Variants in PTGFRN observed in about 807,000 individuals in gnomAD.
PTGFRN encodes the protein prostaglandin F2 receptor negative regulator.
A neutral mutation model predicts 83.2 loss-of-function variants in PTGFRN; 35 were observed. That is an observed-to-expected ratio of 0.42 (90% CI 0.32 to 0.56). The LOEUF (loss-of-function observed/expected upper bound fraction) is 0.56. PTGFRN is among the 20% of genes least tolerant of loss of function. PTGFRN has a pLI of 0.11. For missense variants in PTGFRN, 1,051 were observed against 1,179.5 expected (o/e 0.89, Z 1.60); for synonymous variants, 519 against 498.6 (o/e 1.04, Z -0.55).
chr1:116,974,122 G>A (rs548043002), intron 6 of PTGFRN, 94 bp from the exon 7 acceptor site: 1 of 953,294 alleles, frequency 1.0e-6, no homozygotes, highest in Admixed American at 2.1e-5. Flanking sequence ...TCCCAGGGAA[G>A]AGAACCACAT....
intron 5 of PTGFRN, among the ~76,000 whole-genome samples, chr1:116,965,652 A>G (rs2101079257): frequency 6.6e-6 from 1 of 152,282 alleles, no homozygotes; most frequent in East Asian, 1.9e-4. Context: ...CGGTTGTGGC[A>G]CACACACCTT....
At chr1:116,932,420 T>G (rs1649822786) in intron 1 of PTGFRN, among the ~76,000 whole-genome samples, 3 of 152,200 alleles carry the variant, frequency 2.0e-5, no homozygotes, top group Admixed American at 2.0e-4. Context: ...GGGAAACAAT[T>G]AACTCTTGGT....
intron 1 of PTGFRN, among the ~76,000 whole-genome samples, chr1:116,927,990 A>T (rs2806865): frequency 0.053 from 8,089 of 152,254 alleles, 663 homozygotes; most frequent in African/African-American, 0.18. Flanking sequence ...TATAAATGGC[A>T]GGATAGATAA....
chr1:116,932,151 A>G (rs1007135938), intron 1 of PTGFRN, among the ~76,000 whole-genome samples: 1 of 152,270 alleles, frequency 6.6e-6, no homozygotes, highest in African/African-American at 2.4e-5. Flanking sequence ...TAACCTGAGA[A>G]ATAAAATCCA....
At position 116,923,096 on chromosome 1, in the gene PTGFRN, A is replaced by G. The variant is rs541215450; in HGVS notation, c.49+12844A>G. Among the ~76,000 whole-genome samples the G allele has an allele frequency of 1.3e-5, 2 of 152,336 alleles. No individual in the cohort carries two copies. Among genetic ancestry groups the G allele is most frequent in the East Asian group, 3.9e-4 (2 of 5,190 alleles). The stretch of plus-strand genomic sequence containing the variant: ...ATCGGTTTGTGATGATCTGTTTATT[A>G]GGATGAGCATTTGTGTGTCTCACCC... On this transcript the variant is annotated intron_variant, in intron 1 of 8. Transcript: ENST00000393203. This position sits in a 1 kb window ranked among gnomAD's most constrained non-coding sequence, Gnocchi z 4.0.
intron 4 of PTGFRN, among the ~76,000 whole-genome samples, chr1:116,960,358 A>G (rs1650617029): frequency 6.6e-6 from 1 of 152,192 alleles, no homozygotes. Flanking sequence ...CTTGGCAGGT[A>G]TGGAGGAAGC....
chr1:116,954,101 G>T (rs866408350), intron 4 of PTGFRN, among the ~76,000 whole-genome samples: 1 of 151,912 alleles, frequency 6.6e-6, no homozygotes, highest in South Asian at 2.1e-4. Flanking sequence ...CAGGTGATCC[G>T]CCCGTCTCGG....
chr1:116,968,353 T>C (rs1406670468), intron 6 of PTGFRN, among the ~76,000 whole-genome samples: 3 of 152,104 alleles, frequency 2.0e-5, no homozygotes, highest in East Asian at 1.9e-4. Flanking sequence ...TAGACTCTAA[T>C]AAAGTTTTTC....
At chr1:116,917,135 G>A (rs1424086112) in intron 1 of PTGFRN, among the ~76,000 whole-genome samples, 3 of 152,174 alleles carry the variant, frequency 2.0e-5, no homozygotes, top group Non-Finnish European at 4.4e-5. Context: ...CTTGGATATG[G>A]GCACTGTGAA....
chr1:116,974,277 C>A lies in PTGFRN; in HGVS notation c.2121C>A (p.Ile707=). 1.9e-6 allele frequency: 3 copies of A among 1,613,566 alleles called. No individual in the cohort carries two copies. The highest frequency in any genetic ancestry group is 3.3e-5 in the Admixed American group (2 of 60,020). The change falls in exon 7 of 9, where the codon ATC becomes ATA. Residue 707 remains isoleucine (I), a synonymous_variant. Coordinates refer to ENST00000393203, the MANE Select transcript of PTGFRN (RefSeq NM_020440.4). The part of the protein sequence containing the change: ...DTPSVIRGDL[I]KLFCIITVEG... ...CATCAGTAATTCGGGGAGATCTGAT[C>A]AAATTGTTCTGTATCATCACTGTCG... is the stretch of plus-strand genomic sequence containing the variant.
chr1:116,969,324 G>A (rs1650929485), intron 6 of PTGFRN, among the ~76,000 whole-genome samples: 1 of 152,124 alleles, frequency 6.6e-6, no homozygotes, highest in African/African-American at 2.4e-5. Context: ...CATGGAGATA[G>A]CCAGTTGTCC....
At position 116,986,600 on chromosome 1, in the gene PTGFRN, T is replaced by A. The variant is rs377368714; in HGVS notation, c.2474-201T>A. Among the ~76,000 whole-genome samples the A allele has an allele frequency of 1.4e-3, 217 of 152,338 alleles. 10 individuals carry two copies. The South Asian group carries it at 0.043, about 31-fold the overall frequency. On this transcript the variant is annotated intron_variant, in intron 8 of 8. Coordinates refer to ENST00000393203, the MANE Select transcript of PTGFRN (RefSeq NM_020440.4). ...TTTTTATTCTCCCCGCAGAGCTGGG[T>A]AGGAAGACATTTGCTCATTTTTGTG...
intron 1 of PTGFRN, 89 bp downstream of exon 1, chr1:116,910,341 G>A: frequency 8.6e-7 from 1 of 1,160,786 alleles, no homozygotes; most frequent in Non-Finnish European, 1.1e-6. Context: ...CGCGGCCTGG[G>A]GCGCCGAGGG....
intron 7 of PTGFRN, among the ~76,000 whole-genome samples, chr1:116,983,791 T>G (rs1458593339): frequency 3.3e-5 from 5 of 152,230 alleles, no homozygotes; most frequent in Admixed American, 3.3e-4. Flanking sequence ...AAACGCTTTC[T>G]CAAGTGGATT....
At chr1:116,933,662 A>G (rs1404747866) in intron 1 of PTGFRN, among the ~76,000 whole-genome samples, 1 of 152,096 alleles carries the variant, frequency 6.6e-6, no homozygotes, top group African/African-American at 2.4e-5. Flanking sequence ...GGTTGAAAGC[A>G]TGTTTATGTT....
Position 116,967,306 on chromosome 1 carries a change from A to G in PTGFRN, c.2035A>G (p.Ile679Val), listed in dbSNP as rs893372177. 2 of 1,611,930 alleles carry G rather than the reference A, an allele frequency of 1.2e-6. No homozygotes were observed. The highest frequency in any genetic ancestry group is 1.3e-5 in the African/African-American group (1 of 74,906). Residue 679 changes from isoleucine (I) to valine (V), a missense_variant, in exon 6 of 9, where the codon ATT (isoleucine) becomes GTT (valine). Ile to Val is a conservative substitution (Grantham distance 29). This residue lies in a region of PTGFRN where 719 missense variants were observed against 836.6 expected (regional missense o/e 0.86). Transcript: ENST00000393203. ...AGCAGCAACCAGTCTCTCCAATCCT[A>G]TTGAGATAGACTTCCAAACCTCAGG... The part of the protein sequence containing the change: ...REAATSLSNP[I>V]EIDFQTSGPI...
chr1:116,910,270 T>C lies in PTGFRN; in HGVS notation c.49+18T>C. Reference sequence around the variant, plus strand: ...GTCGTTGGGTGAGTGTGCGCGGGGCTCAGCGGGGCACACGGGGACTGGCGA... The same window carrying C: ...GTCGTTGGGTGAGTGTGCGCGGGGCCCAGCGGGGCACACGGGGACTGGCGA... On this transcript the variant is annotated intron_variant, in intron 1 of 8. Transcript: ENST00000393203. The C allele has an allele frequency of 7.1e-7, 1 of 1,408,042 alleles. No individual in the cohort carries two copies. Among genetic ancestry groups the C allele is most frequent in the East Asian group, 2.9e-5 (1 of 34,298 alleles). 87.2% of individuals were successfully genotyped at this position (1,408,042 alleles called of 1,614,324 possible).
intron 2 of PTGFRN, 24 bp from the exon 3 acceptor site, chr1:116,944,655 T>C (rs1650140225): frequency 7.1e-7 from 1 of 1,399,106 alleles, no homozygotes; most frequent in Non-Finnish European, 9.3e-7. Context: ...GACGGGCTAC[T>C]GACCTAGCTT....
chr1:116,961,123 T>C lies in PTGFRN; in HGVS notation c.1214-120T>C. On this transcript the variant is annotated intron_variant, in intron 4 of 8. Transcript: ENST00000393203. This position sits in a 1 kb window ranked among gnomAD's most constrained non-coding sequence, Gnocchi z 5.4. ...CAACGACTGATTTCTGTCTCTCTAGTCCGGCAGGAGAAGCATTTAATTGTT... is the reference window on the plus strand; with the variant it reads ...CAACGACTGATTTCTGTCTCTCTAGCCCGGCAGGAGAAGCATTTAATTGTT... 1 of 1,103,264 alleles carries C rather than the reference T, an allele frequency of 9.1e-7. No individual in the cohort carries two copies. Among genetic ancestry groups the C allele is most frequent in the Non-Finnish European group, 1.2e-6 (1 of 815,132 alleles). The allele number at this position is 1,103,264 out of a possible 1,614,324, so 68.3% of individuals were successfully genotyped here. A position where few individuals can be genotyped will look rare whatever the true frequency, so the allele number is the denominator to read the frequency against.
Sources: gnomAD v4.1 joint callset for allele counts (sites outside exome capture counted in the v4.1 genomes callset) on GRCh38, gnomAD v4.1.1 for gene constraint, gnomAD v4.1.1 regional missense constraint, Gnocchi (gnomAD v3.1) non-coding constraint, MANE v1.5 for transcripts, NCBI Gene and HGNC (gene_info 2026-07-23, HGNC 2026-07-21) for gene names.